MEIS2: variants seen among roughly 807,000 people sequenced by gnomAD.
MEIS2 encodes the protein homeobox protein Meis2.
Under a neutral mutation model 58.6 loss-of-function variants are expected in MEIS2, and 9 were observed. The ratio of observed to expected loss-of-function variants is 0.15; its 90% CI spans 0.09 to 0.27. The LOEUF (loss-of-function observed/expected upper bound fraction) is 0.27. Among genes scored for constraint, MEIS2 ranks in the 10% least tolerant of loss-of-function variants. The pLI is 1.00. For missense variants in MEIS2, 427 were observed against 635.0 expected (o/e 0.67, Z 3.52); for synonymous variants, 221 against 228.4 (o/e 0.97, Z 0.29).
At chr15:36,980,088 T>C (rs1243202661) in intron 8 of MEIS2, among the ~76,000 whole-genome samples, 1 of 151,938 alleles carries the variant, frequency 6.6e-6, no homozygotes, top group Non-Finnish European at 1.5e-5. Flanking sequence ...TCCCAATTCA[T>C]TTTTGGGGTA....
At chr15:37,085,265 G>T (rs1232603968) in intron 6 of MEIS2, among the ~76,000 whole-genome samples, 1 of 152,016 alleles carries the variant, frequency 6.6e-6, no homozygotes, top group Admixed American at 6.6e-5. Context: ...GAGCCACGTG[G>T]GTATAGGCAA....
intron 3 of MEIS2, 68 bp downstream of exon 3, chr15:37,096,221 A>G: frequency 3.4e-6 from 5 of 1,467,506 alleles, no homozygotes; most frequent in Non-Finnish European, 4.6e-6. Flanking sequence ...CCTTTCAAGT[A>G]AAGCTCCGAG....
At chr15:36,906,651 G>GAAAAAA (rs56715244) in intron 9 of MEIS2, among the ~76,000 whole-genome samples, 4 of 96,532 alleles carry the variant, frequency 4.1e-5, no homozygotes, top group African/African-American at 4.0e-5. Flanking sequence ...AGCCACTCAA[G>GAAAAAA]AAAAAAAAAA....
chr15:37,069,390 C>T (rs547747852), intron 7 of MEIS2, among the ~76,000 whole-genome samples: 4 of 152,236 alleles, frequency 2.6e-5, no homozygotes, highest in South Asian at 2.1e-4. Flanking sequence ...TGCTATGAAG[C>T]GTTCAAAATC....
chr15:37,099,703 T>G lies in MEIS2; in HGVS notation c.-237A>C. 2.1e-6 allele frequency: 1 copy of G among 470,684 alleles called. No individual in the cohort carries two copies. The highest frequency in any genetic ancestry group is 3.2e-5 in the South Asian group (1 of 30,932). 29.2% of individuals were successfully genotyped at this position (470,684 alleles called of 1,614,324 possible). On this transcript the variant is annotated 5_prime_UTR_variant, in exon 1 of 12. Transcript: ENST00000561208. ...TTTTTCCTCTTCTTCCTCCTCCTCC[T>G]GATCTTCCTCCTCCTCCTCCACCTC... is the stretch of plus-strand genomic sequence containing the variant.
At chr15:37,055,967 A>G (rs537322817) in intron 7 of MEIS2, among the ~76,000 whole-genome samples, 3 of 152,346 alleles carry the variant, frequency 2.0e-5, no homozygotes, top group South Asian at 4.1e-4. Context: ...TATCTGTCCC[A>G]TCAGTGAATA....
At chr15:37,089,341 C>A (rs76740406) in intron 6 of MEIS2, among the ~76,000 whole-genome samples, 4 of 152,008 alleles carry the variant, frequency 2.6e-5, no homozygotes. Flanking sequence ...CTGTCACTTC[C>A]CTCTAATTTT....
intron 7 of MEIS2, among the ~76,000 whole-genome samples, chr15:37,059,523 G>T (rs1888896550): frequency 6.6e-6 from 1 of 151,928 alleles, no homozygotes; most frequent in African/African-American, 2.4e-5. Flanking sequence ...ATTCAAAAAA[G>T]CTTAATTAAA....
chr15:37,052,271 A>G (rs1199969536), intron 7 of MEIS2, among the ~76,000 whole-genome samples: 1 of 152,226 alleles, frequency 6.6e-6, no homozygotes, highest in Admixed American at 6.5e-5. Context: ...AAATGGAAGT[A>G]ACATTTGTGG....
At chr15:36,934,808 A>G (rs1412303008) in intron 9 of MEIS2, among the ~76,000 whole-genome samples, 8 of 152,216 alleles carry the variant, frequency 5.3e-5, no homozygotes, top group Admixed American at 5.2e-4. Context: ...TTCAATTTAG[A>G]TGTTTGTAAA....
intron 8 of MEIS2, among the ~76,000 whole-genome samples, chr15:36,970,270 G>A (rs984441925): frequency 3.2e-4 from 49 of 152,018 alleles, no homozygotes; most frequent in Admixed American, 9.2e-4. Context: ...CAGGCGTGGT[G>A]GCGGGCGCCT....
rs563007400 is a variant in MEIS2, at chr15:36,916,382, G to A, written c.978-19696C>T. ...GCAGAGCTTGCAGTGAGCTGAGACCGCACCGCTGCACTCCAGCCTGGGTGA... is the reference window on the plus strand; with the variant it reads ...GCAGAGCTTGCAGTGAGCTGAGACCACACCGCTGCACTCCAGCCTGGGTGA... On this transcript the variant is annotated intron_variant, in intron 9 of 11. Coordinates refer to ENST00000561208, the MANE Select transcript of MEIS2 (RefSeq NM_170675.5). 2.5e-4 allele frequency among the ~76,000 whole-genome samples: 37 copies of A among 146,558 alleles called. 1 individual carries two copies. The South Asian group carries it at 4.7e-3, about 19-fold the overall frequency.
chr15:37,087,338 A>AT (rs1476202401), intron 6 of MEIS2, among the ~76,000 whole-genome samples: 1 of 152,180 alleles, frequency 6.6e-6, no homozygotes, highest in Non-Finnish European at 1.5e-5. Context: ...AAAGCAGTGA[A>AT]TACTGAGTGG....
chr15:37,009,820 T>A (rs2061068449), intron 8 of MEIS2, among the ~76,000 whole-genome samples: 1 of 152,142 alleles, frequency 6.6e-6, no homozygotes, highest in Non-Finnish European at 1.5e-5. Flanking sequence ...AAAATATAAA[T>A]GAATGTTGAC....
chr15:37,037,404 C>T (rs921161360), intron 7 of MEIS2, among the ~76,000 whole-genome samples: 4 of 152,168 alleles, frequency 2.6e-5, no homozygotes, highest in African/African-American at 4.8e-5. Flanking sequence ...TTGCACATAA[C>T]GCACTGCCTG....
At chr15:37,034,587 C>T (rs2062068661) in intron 8 of MEIS2, among the ~76,000 whole-genome samples, 1 of 152,184 alleles carries the variant, frequency 6.6e-6, no homozygotes, top group Admixed American at 6.5e-5. Flanking sequence ...ATGGTGCATG[C>T]TGGGTGCCGC....
At chr15:37,046,838 T>A (rs202086342) in intron 7 of MEIS2, among the ~76,000 whole-genome samples, 309 of 1,362 alleles carry the variant, frequency 0.23, no homozygotes, top group East Asian at 0.46. Flanking sequence ...GTTTAAAAAA[T>A]ATATATATAT....
chr15:37,024,177 T>C (rs2061624232), intron 8 of MEIS2, among the ~76,000 whole-genome samples: 1 of 151,956 alleles, frequency 6.6e-6, no homozygotes. Flanking sequence ...GGATTACAGG[T>C]GTGAGCCACT....
At chr15:37,061,864 T>G (rs565941630) in intron 7 of MEIS2, among the ~76,000 whole-genome samples, 11 of 152,174 alleles carry the variant, frequency 7.2e-5, no homozygotes, top group African/African-American at 2.6e-4. Flanking sequence ...CCATAAAACA[T>G]CTTAAAATAA....
Sources: gnomAD v4.1 joint callset for allele counts (sites outside exome capture counted in the v4.1 genomes callset) on GRCh38, gnomAD v4.1.1 for gene constraint, MANE v1.5 for transcripts, NCBI Gene and HGNC (gene_info 2026-07-23, HGNC 2026-07-21) for gene names.